RFC4: variants seen among roughly 807,000 people sequenced by gnomAD.
RFC4 encodes the protein A1 37 kDa subunit.
A neutral mutation model predicts 47.6 loss-of-function variants in RFC4; 38 were observed. The observed-to-expected ratio is 0.80, with a 90% CI of 0.62 to 1.05. The LOEUF (loss-of-function observed/expected upper bound fraction) is 1.05. RFC4 is among the 50% of genes least tolerant of loss of function. RFC4 has a pLI of 0.00. For synonymous variants in RFC4, 164 were observed against 150.0 expected (o/e 1.09, Z -0.68); for missense variants, 489 against 434.0 (o/e 1.13, Z -1.13).
At chr3:186,799,962 T>C (rs996986597) in intron 3 of RFC4, among the ~76,000 whole-genome samples, 2 of 152,162 alleles carry the variant, frequency 1.3e-5, no homozygotes, top group Admixed American at 1.3e-4. Context: ...TATTTATTTA[T>C]TTATTTTTGA....
At position 186,790,101 on chromosome 3, in the gene RFC4, T is replaced by C. The variant is rs1268640778; in HGVS notation, c.997-37A>G. Reference sequence around the variant, plus strand: ...ATTTAAGAAATTAGCATCCTTCAGGTAGTTAAATGTTCCATTGACATGTGC... The same window carrying C: ...ATTTAAGAAATTAGCATCCTTCAGGCAGTTAAATGTTCCATTGACATGTGC... On this transcript the variant is annotated intron_variant, in intron 10 of 10. Coordinates refer to ENST00000296273, the MANE Select transcript of RFC4 (RefSeq NM_002916.5). The C allele has an allele frequency of 4.4e-6, 7 of 1,602,116 alleles. No individual in the cohort carries two copies. The Admixed American group carries it at 1.2e-4, about 27-fold the overall frequency.
rs1722176667 is a variant in RFC4, at chr3:186,793,061, GT to G, written c.411-115del. Reference sequence around the variant, plus strand: ...ACCCATTTAAAATGTACAATTCAGTGTTTTTCTGTATGTTCACAAAGTTGTG... The same window carrying G: ...ACCCATTTAAAATGTACAATTCAGTGTTTTCTGTATGTTCACAAAGTTGTG... On this transcript the variant is annotated intron_variant, in intron 5 of 10. Coordinates refer to ENST00000296273, the MANE Select transcript of RFC4 (RefSeq NM_002916.5). This position sits in a 1 kb window ranked among gnomAD's most constrained non-coding sequence, Gnocchi z 4.2. 2 of 879,972 alleles carry G rather than the reference GT, an allele frequency of 2.3e-6. No individual in the cohort carries two copies. Among genetic ancestry groups the G allele is most frequent in the Non-Finnish European group, 3.3e-6 (2 of 598,678 alleles). The allele number at this position is 879,972 out of a possible 1,614,324, so 54.5% of individuals were successfully genotyped here.
At position 186,790,210 on chromosome 3, in the gene RFC4, G is replaced by A. The variant is rs756386425; in HGVS notation, c.928C>T (p.Leu310Phe). The A allele has an allele frequency of 1.2e-6, 2 of 1,614,026 alleles. No individual in the cohort carries two copies. The highest frequency in any genetic ancestry group is 1.7e-6 in the Non-Finnish European group (2 of 1,179,940). The change falls in exon 10 of 11, where the codon CTC becomes TTC. Residue 310 changes from leucine (L) to phenylalanine (F), a missense_variant. Leu to Phe is a conservative substitution (Grantham distance 22). This residue lies in a region of RFC4 where 283 missense variants were observed against 176.2 expected (regional missense o/e 1.61). Coordinates refer to ENST00000296273, the MANE Select transcript of RFC4 (RefSeq NM_002916.5). ...GHAATQLVNQ[L>F]HDVVVENNLS... ...TTATTTTCTACAACCACATCATGGA[G>A]TTGATTGACGAGCTGAGTTGCTGCA...
rs1250050022 is a variant in RFC4, at chr3:186,796,353, GTTC to G, written c.290+1179_290+1181del. 1.3e-5 allele frequency among the ~76,000 whole-genome samples: 2 copies of G among 152,180 alleles called. No individual in the cohort carries two copies. The highest frequency in any genetic ancestry group is 2.4e-5 in the African/African-American group (1 of 41,450). On this transcript the variant is annotated intron_variant, in intron 4 of 10. Transcript: ENST00000296273. The surrounding 1 kb of genome is among the most constrained non-coding windows in gnomAD (Gnocchi z 4.2). The stretch of plus-strand genomic sequence containing the variant: ...ATTGAGTTGTGGAATAATCAAAAAA[GTTC>G]TTCTATAATTTTACTGAGAATAAAA...
intron 5 of RFC4, among the ~76,000 whole-genome samples, chr3:186,794,140 G>A (rs1308071599): frequency 3.3e-5 from 5 of 152,152 alleles, no homozygotes; most frequent in Non-Finnish European, 5.9e-5. Context: ...CTCCCACGTT[G>A]CGGGTTATTA....
chr3:186,789,978 C>G lies in RFC4; in HGVS notation c.1083G>C (p.Gln361His). 1.9e-6 allele frequency: 3 copies of G among 1,602,732 alleles called. No homozygotes were observed. Among genetic ancestry groups the G allele is most frequent in the Non-Finnish European group, 2.6e-6 (3 of 1,170,006 alleles). ...TCCAGATATATTCACGTTAACAATTCTGAGATAACTGCTGCATCACAGTTG... is the reference window on the plus strand; with the variant it reads ...TCCAGATATATTCACGTTAACAATTGTGAGATAACTGCTGCATCACAGTTG... ...LCATVMQQLSQNC is the reference protein window; with the variant it reads ...LCATVMQQLSHNC Residue 361 changes from glutamine (Q) to histidine (H), a missense_variant, in exon 11 of 11, where the codon CAG (glutamine) becomes CAC (histidine). Coordinates refer to ENST00000296273, the MANE Select transcript of RFC4 (RefSeq NM_002916.5).
intron 9 of RFC4, 33 bp from the exon 10 acceptor site, chr3:186,790,288 T>C (rs149867382): frequency 2.4e-5 from 38 of 1,610,352 alleles, no homozygotes; most frequent in Non-Finnish European, 3.1e-5. Flanking sequence ...TATGATGACT[T>C]AATATTCCTT....
Position 186,793,034 on chromosome 3 carries a change from T to C in RFC4, c.411-87A>G, listed in dbSNP as rs1397858227. On this transcript the variant is annotated intron_variant, in intron 5 of 10. Transcript: ENST00000296273. This position sits in a 1 kb window ranked among gnomAD's most constrained non-coding sequence, Gnocchi z 4.2. Reference sequence around the variant, plus strand: ...TTGAAAGATACACGTACCATACAATTCACCCATTTAAAATGTACAATTCAG... The same window carrying C: ...TTGAAAGATACACGTACCATACAATCCACCCATTTAAAATGTACAATTCAG... 9.2e-7 allele frequency: 1 copy of C among 1,082,310 alleles called. No individual in the cohort carries two copies. The highest frequency in any genetic ancestry group is 1.3e-6 in the Non-Finnish European group (1 of 759,636). 67.0% of individuals were successfully genotyped at this position (1,082,310 alleles called of 1,614,324 possible).
chr3:186,802,016 T>A (rs2108473055), intron 2 of RFC4, among the ~76,000 whole-genome samples: 1 of 128,296 alleles, frequency 7.8e-6, no homozygotes, highest in East Asian at 2.2e-4. Flanking sequence ...AGAGCGAAAC[T>A]TTATCTCAAA....
chr3:186,797,474 AT>A lies in RFC4; in HGVS notation c.290+60del, dbSNP rs1217762563. 7.4e-6 allele frequency: 8 copies of A among 1,075,570 alleles called. No individual in the cohort carries two copies. In the African/African-American group the frequency reaches 1.1e-4, roughly 15 times the overall value. The allele number at this position is 1,075,570 out of a possible 1,614,324, so 66.6% of individuals were successfully genotyped here. On this transcript the variant is annotated intron_variant, in intron 4 of 10. Coordinates refer to ENST00000296273, the MANE Select transcript of RFC4 (RefSeq NM_002916.5). ...GCAAATTTTTAGAGGAAAAAAAGCA[AT>A]ATCAGAGAATTTTGGTGTCAAATCT... is the stretch of plus-strand genomic sequence containing the variant.
Position 186,794,781 on chromosome 3 carries a change from T to C in RFC4, c.291-4A>G, listed in dbSNP as rs999358247. ...TCTTAATCGGAAAAGTTCAGGCCTATCTCAAAATGAAACAAATATGAAACA... is the reference window on the plus strand; with the variant it reads ...TCTTAATCGGAAAAGTTCAGGCCTACCTCAAAATGAAACAAATATGAAACA... On this transcript the variant is annotated splice_polypyrimidine_tract_variant and splice_region_variant and intron_variant, in intron 4 of 10. Coordinates refer to ENST00000296273, the MANE Select transcript of RFC4 (RefSeq NM_002916.5). The C allele has an allele frequency of 1.2e-6, 2 of 1,612,716 alleles. No homozygotes were observed. Among genetic ancestry groups the C allele is most frequent in the South Asian group, 1.1e-5 (1 of 90,732 alleles).
chr3:186,790,941 T>C (rs1579175330), intron 8 of RFC4, among the ~76,000 whole-genome samples: 1 of 151,916 alleles, frequency 6.6e-6, no homozygotes, highest in East Asian at 1.9e-4. Flanking sequence ...GTACCAGTCT[T>C]GTCATATGGA....
intron 4 of RFC4, among the ~76,000 whole-genome samples, chr3:186,797,287 G>A (rs536489347): frequency 3.8e-4 from 58 of 152,232 alleles, no homozygotes; most frequent in Non-Finnish European, 7.5e-4. Context: ...TAAAGAAAGT[G>A]ATGGAAAAAA....
At chr3:186,801,436 C>G in intron 2 of RFC4, 1 of 484,910 alleles carries the variant, frequency 2.1e-6, no homozygotes, top group African/African-American at 2.0e-5. Flanking sequence ...TCTGTTATAC[C>G]CACAAAAATT....
At chr3:186,791,534 C>A in intron 8 of RFC4, 191 bp downstream of exon 8, 2 of 606,246 alleles carry the variant, frequency 3.3e-6, no homozygotes, top group Non-Finnish European at 6.0e-6. Flanking sequence ...ATGTCTGTTA[C>A]ATGCCTGACA....
At chr3:186,799,273 T>A (rs1269639506) in intron 3 of RFC4, among the ~76,000 whole-genome samples, 1 of 152,234 alleles carries the variant, frequency 6.6e-6, no homozygotes, top group African/African-American at 2.4e-5. Context: ...GAAAAAATTA[T>A]CTTCTTATAA....
intron 6 of RFC4, 52 bp from the exon 7 acceptor site, chr3:186,792,662 AAAG>A: frequency 6.3e-7 from 1 of 1,584,470 alleles, no homozygotes; most frequent in East Asian, 2.2e-5. Context: ...AATTTCCCCA[AAAG>A]AACTCATTTT....
At chr3:186,790,286 CTT>C (rs1300649014) in intron 9 of RFC4, 31 bp from the exon 10 acceptor site, 35 of 1,610,394 alleles carry the variant, frequency 2.2e-5, no homozygotes, top group Non-Finnish European at 2.7e-5. Flanking sequence ...GGTATGATGA[CTT>C]AATATTCCTT....
At chr3:186,794,330 G>GTT (rs1179564211) in intron 5 of RFC4, among the ~76,000 whole-genome samples, 2 of 152,112 alleles carry the variant, frequency 1.3e-5, no homozygotes, top group African/African-American at 4.8e-5. Context: ...AATACATTAG[G>GTT]TGCTATAGCG....
Sources: gnomAD v4.1 joint callset for allele counts (sites outside exome capture counted in the v4.1 genomes callset) on GRCh38, gnomAD v4.1.1 for gene constraint, gnomAD v4.1.1 regional missense constraint, Gnocchi (gnomAD v3.1) non-coding constraint, MANE v1.5 for transcripts, NCBI Gene and HGNC (gene_info 2026-07-23, HGNC 2026-07-21) for gene names.